FSD1L: variants seen among roughly 807,000 people sequenced by gnomAD.
The protein encoded by FSD1L is FSD1-like protein.
In FSD1L, 45 loss-of-function variants were observed where a neutral mutation model predicts 71.6. The ratio of observed to expected loss-of-function variants is 0.63; its 90% CI spans 0.49 to 0.81. The LOEUF (loss-of-function observed/expected upper bound fraction) is 0.81. Ranked by LOEUF, FSD1L falls within the 30% of genes least tolerant of loss-of-function variation. FSD1L has a pLI of 0.00. For synonymous variants in FSD1L, 197 were observed against 207.2 expected, an observed-to-expected ratio of 0.95 and a Z score of 0.42; for missense variants, 561 against 618.1, an observed-to-expected ratio of 0.91 and a Z score of 0.98.
intron 7 of FSD1L, chr9:105,500,807 G>T (rs1402817476): frequency 1.3e-5 from 2 of 152,218 alleles, no homozygotes; most frequent in East Asian, 3.9e-4. Flanking sequence ...ATTTTGCCAA[G>T]GGATTATAAT....
At chr9:105,447,642 A>T (rs892482345), upstream of FSD1L, among the ~76,000 whole-genome samples, 9 of 151,878 alleles carry the variant, frequency 5.9e-5, no homozygotes, top group Non-Finnish European at 2.9e-5. Context: ...GTCTTTTCCC[A>T]CGTTTTCGCT....
chr9:105,525,728 C>T, intron 10 of FSD1L: 2 of 1,603,338 alleles, frequency 1.2e-6, no homozygotes, highest in Middle Eastern at 1.7e-4. Flanking sequence ...TCCATTCTCA[C>T]CAATACAGGA....
chr9:105,496,712 A>C (rs567033940), intron 7 of FSD1L, among the ~76,000 whole-genome samples: 68 of 152,366 alleles, frequency 4.5e-4, no homozygotes, highest in Admixed American at 1.3e-3. Context: ...GTATACAGGA[A>C]AGTGGTAGGC....
rs963020914 is a variant in FSD1L, at chr9:105,461,631, A to G, written c.111+16A>G. On this transcript the variant is annotated intron_variant, in intron 2 of 13. Transcript: ENST00000481272. Reference sequence around the variant, plus strand: ...CTTGCAGCAGGTTGGTAGCTCTTAAAGGAGCAGAGGTTTTAACTTGAAGAT... The same window carrying G: ...CTTGCAGCAGGTTGGTAGCTCTTAAGGGAGCAGAGGTTTTAACTTGAAGAT... 2.8e-5 allele frequency: 41 copies of G among 1,452,476 alleles called. No homozygotes were observed. The highest frequency in any genetic ancestry group is 3.8e-5 in the Non-Finnish European group (40 of 1,057,642). 90.0% of individuals were successfully genotyped at this position (1,452,476 alleles called of 1,614,324 possible).
intron 9 of FSD1L, among the ~76,000 whole-genome samples, chr9:105,512,430 TCTC>T (rs1397908195): frequency 6.6e-6 from 1 of 152,102 alleles, no homozygotes; most frequent in Admixed American, 6.5e-5. Flanking sequence ...ATTTTATCCT[TCTC>T]CTTAATTCTT....
chr9:105,448,431 C>T (rs950832495), intron 1 of FSD1L, among the ~76,000 whole-genome samples, 196 bp downstream of exon 1: 13 of 152,212 alleles, frequency 8.5e-5, no homozygotes, highest in Non-Finnish European at 1.5e-4. Context: ...GCGGGGACCG[C>T]GCCCGGTGAC....
intron 13 of FSD1L, among the ~76,000 whole-genome samples, chr9:105,544,678 TA>T (rs1230857424): frequency 1.3e-5 from 2 of 152,182 alleles, no homozygotes; most frequent in African/African-American, 4.8e-5. Context: ...ATTTGTTAAA[TA>T]GGGAATCCTT....
At chr9:105,445,997 T>C (rs1167884619), upstream of FSD1L, among the ~76,000 whole-genome samples, 1 of 152,196 alleles carries the variant, frequency 6.6e-6, no homozygotes, top group Non-Finnish European at 1.5e-5. Context: ...AACTTTCATT[T>C]CATTTCTTGT....
intron 1 of FSD1L, 63 bp downstream of exon 1, chr9:105,448,298 G>A: frequency 2.8e-6 from 4 of 1,448,612 alleles, no homozygotes; most frequent in Non-Finnish European, 3.7e-6. Context: ...GGTGGGCGGG[G>A]CGCCTGGGCC....
chr9:105,541,537 G>C (rs1836616806), intron 13 of FSD1L, among the ~76,000 whole-genome samples: 1 of 152,010 alleles, frequency 6.6e-6, no homozygotes, highest in African/African-American at 2.4e-5. Context: ...TATGTCATAA[G>C]ATACTGCAAG....
chr9:105,490,982 G>A (rs1456681731), intron 7 of FSD1L, among the ~76,000 whole-genome samples: 2 of 150,158 alleles, frequency 1.3e-5, no homozygotes, highest in Non-Finnish European at 3.0e-5. Flanking sequence ...TTGACTTGGC[G>A]ATGTGGGCTC....
At chr9:105,455,999 A>G (rs1363599706) in intron 1 of FSD1L, among the ~76,000 whole-genome samples, 1 of 152,226 alleles carries the variant, frequency 6.6e-6, no homozygotes, top group East Asian at 1.9e-4. Flanking sequence ...TGGGAAACCC[A>G]TATGTCAGCA....
chr9:105,474,151 A>G (rs1403696670), intron 5 of FSD1L, among the ~76,000 whole-genome samples: 1 of 152,222 alleles, frequency 6.6e-6, no homozygotes, highest in Non-Finnish European at 1.5e-5. Context: ...AGCCTACTAC[A>G]TACCTCAGTT....
At chr9:105,489,700 A>C (rs140859969) in intron 7 of FSD1L, among the ~76,000 whole-genome samples, 2,401 of 151,822 alleles carry the variant, frequency 0.016, 90 homozygotes, top group African/African-American at 0.055. Flanking sequence ...GTTCCCCTTC[A>C]TGTGTCCATG....
At chr9:105,488,997 AT>A (rs1832738279) in intron 7 of FSD1L, among the ~76,000 whole-genome samples, 1 of 152,128 alleles carries the variant, frequency 6.6e-6, no homozygotes, top group African/African-American at 2.4e-5. Context: ...GAAATTTACA[AT>A]TCCACATGTA....
chr9:105,508,549 A>G (rs938769840), intron 8 of FSD1L, 68 bp from the exon 9 acceptor site: 14 of 883,284 alleles, frequency 1.6e-5, no homozygotes, highest in Non-Finnish European at 2.6e-5. Flanking sequence ...CTGAAGGCTC[A>G]TACTCTTACT....
intron 10 of FSD1L, chr9:105,521,875 T>C: frequency 3.7e-6 from 6 of 1,612,410 alleles, no homozygotes; most frequent in Non-Finnish European, 5.1e-6. Flanking sequence ...ATATTTCTTC[T>C]TGAACCTGCA....
At chr9:105,490,396 T>C (rs1453971601) in intron 7 of FSD1L, among the ~76,000 whole-genome samples, 1 of 152,244 alleles carries the variant, frequency 6.6e-6, no homozygotes, top group African/African-American at 2.4e-5. Flanking sequence ...TTGTAGATTC[T>C]GGATACCTGC....
At chr9:105,448,421 G>A (rs1241949075) in intron 1 of FSD1L, among the ~76,000 whole-genome samples, 186 bp downstream of exon 1, 4 of 152,228 alleles carry the variant, frequency 2.6e-5, no homozygotes, top group Non-Finnish European at 5.9e-5. Flanking sequence ...CCACACGGAT[G>A]CGGGGACCGC....
Sources: gnomAD v4.1 joint callset for allele counts (sites outside exome capture counted in the v4.1 genomes callset) on GRCh38, gnomAD v4.1.1 for gene constraint, MANE v1.5 for transcripts, NCBI Gene and HGNC (gene_info 2026-07-23, HGNC 2026-07-21) for gene names.